Variants in EPB41 observed in about 807,000 individuals in gnomAD.
EPB41 encodes the protein erythrocyte membrane protein band 4.1.
EPB41 carries 65 observed loss-of-function variants against 108.0 expected under a neutral mutation model. The ratio of observed to expected loss-of-function variants is 0.60; its 90% CI spans 0.49 to 0.74. EPB41 has a LOEUF of 0.74. Among genes scored for constraint, EPB41 ranks in the 30% least tolerant of loss-of-function variants. The probability of loss-of-function intolerance (pLI) is 0.00; values close to 1 mark genes in which losing one functional copy is unlikely to be tolerated. For missense variants in EPB41, 875 were observed against 1,037.0 expected (o/e 0.84, Z 2.15); for synonymous variants, 336 against 358.9 (o/e 0.94, Z 0.72).
chr1:28,981,675 T>C (rs1409164287), intron 1 of EPB41, among the ~76,000 whole-genome samples: 1 of 152,210 alleles, frequency 6.6e-6, no homozygotes, highest in African/African-American at 2.4e-5. Context: ...GTATAAATTG[T>C]GTCAAGACTT....
At chr1:28,954,930 A>G (rs187423777) in intron 1 of EPB41, among the ~76,000 whole-genome samples, 9 of 152,338 alleles carry the variant, frequency 5.9e-5, no homozygotes, top group Admixed American at 1.3e-4. Context: ...TGATAAAGCT[A>G]TTATAAATCA....
At chr1:28,908,350 C>T (rs968197056) in intron 1 of EPB41, among the ~76,000 whole-genome samples, 23 of 149,176 alleles carry the variant, frequency 1.5e-4, no homozygotes, top group African/African-American at 4.4e-4. Flanking sequence ...CGCGGCAAGC[C>T]GAGATTGTGC....
At chr1:28,969,336 T>G (rs7512473) in intron 1 of EPB41, among the ~76,000 whole-genome samples, 5 of 151,972 alleles carry the variant, frequency 3.3e-5, no homozygotes, top group Non-Finnish European at 7.4e-5. Context: ...CCACCTGCCT[T>G]GGCCTCCCAA....
chr1:29,053,244 A>G lies in EPB41; in HGVS notation c.1777A>G (p.Lys593Glu), dbSNP rs771309394. ...VVPKAQKETV[K>E]AEVKKEDEPP... ...CCCTAAAGCACAGAAGGAAACAGTGAAGGCTGAAGTGAAAAAGGAAGACGA... is the reference window on the plus strand; with the variant it reads ...CCCTAAAGCACAGAAGGAAACAGTGGAGGCTGAAGTGAAAAAGGAAGACGA... The change falls in exon 12 of 21, where the codon AAG (lysine) becomes GAG (glutamate). Residue 593 changes from lysine to glutamate, a missense_variant. By Grantham distance (56) the Lys-to-Glu change is moderately conservative. This residue lies in a region of EPB41 where 519 missense variants were observed against 627.3 expected (regional missense o/e 0.83). Transcript: ENST00000343067. 1.2e-6 allele frequency: 2 copies of G among 1,614,222 alleles called. No individual in the cohort carries two copies. The highest frequency in any genetic ancestry group is 2.2e-5 in the South Asian group (2 of 91,082).
intron 17 of EPB41, among the ~76,000 whole-genome samples, chr1:29,105,743 C>CTTTT (rs63685960): frequency 7.8e-4 from 71 of 91,072 alleles, no homozygotes; most frequent in East Asian, 1.0e-3. Flanking sequence ...ATGTACAGAT[C>CTTTT]TTTTTTTTTT....
intron 1 of EPB41, among the ~76,000 whole-genome samples, chr1:28,968,679 T>C (rs564600214): frequency 6.6e-6 from 1 of 152,154 alleles, no homozygotes; most frequent in South Asian, 2.1e-4. Flanking sequence ...TAAAACTAAA[T>C]GAGGCCGGGC....
At chr1:29,096,442 G>A (rs1663248559) in intron 16 of EPB41, 7 of 985,892 alleles carry the variant, frequency 7.1e-6, no homozygotes, top group Non-Finnish European at 8.4e-6. Context: ...GTGCCTTAAA[G>A]TTCTCAGTAA....
intron 4 of EPB41, among the ~76,000 whole-genome samples, chr1:28,999,595 A>C (rs187396547): frequency 1.3e-5 from 2 of 152,178 alleles, no homozygotes; most frequent in East Asian, 3.9e-4. Flanking sequence ...TTTTTCTGTG[A>C]TCTAAGCATA....
At chr1:28,987,117 G>A (rs557509305) in intron 1 of EPB41, among the ~76,000 whole-genome samples, 1 of 152,062 alleles carries the variant, frequency 6.6e-6, no homozygotes, top group Non-Finnish European at 1.5e-5. Context: ...GGATAAAACT[G>A]TATTTACTGT....
intron 7 of EPB41, among the ~76,000 whole-genome samples, chr1:29,024,188 A>G (rs1333627311): frequency 6.6e-6 from 1 of 151,612 alleles, no homozygotes; most frequent in Non-Finnish European, 1.5e-5. Flanking sequence ...TACAAAAATT[A>G]GCTGGGCATG....
At position 28,887,229 on chromosome 1, in the gene EPB41, G is replaced by A; in HGVS notation, c.-8+19G>A. On this transcript the variant is annotated intron_variant, in intron 1 of 16. Coordinates refer to the EPB41 transcript ENST00000347529. The surrounding 1 kb of genome is among the most constrained non-coding windows in gnomAD (Gnocchi z 4.9). ...AGCCCAGGTGAGCCTGGACCACCTGGGGGGCGACCCTCGGTCCCCGGGAGG... is the reference window on the plus strand; with the variant it reads ...AGCCCAGGTGAGCCTGGACCACCTGAGGGGCGACCCTCGGTCCCCGGGAGG... The A allele has an allele frequency of 5.5e-6, 7 of 1,281,186 alleles. No homozygotes were observed. The highest frequency in any genetic ancestry group is 7.1e-6 in the Non-Finnish European group (7 of 985,062). 79.4% of individuals were successfully genotyped at this position (1,281,186 alleles called of 1,614,324 possible).
chr1:29,053,963 T>A (rs1644944443), intron 12 of EPB41: 1 of 152,460 alleles, frequency 6.6e-6, no homozygotes, highest in Admixed American at 6.5e-5. Flanking sequence ...CACATTGCTT[T>A]TTAAGACTAA....
chr1:29,046,460 C>T (rs538427843), intron 11 of EPB41, among the ~76,000 whole-genome samples: 1 of 152,258 alleles, frequency 6.6e-6, no homozygotes, highest in South Asian at 2.1e-4. Context: ...AATGGTTTAT[C>T]TGTGGATTAT....
At chr1:29,048,894 T>C (rs921984891) in intron 11 of EPB41, among the ~76,000 whole-genome samples, 4 of 152,198 alleles carry the variant, frequency 2.6e-5, no homozygotes, top group African/African-American at 9.6e-5. Context: ...GTATAAAAAG[T>C]GGAAATATGT....
chr1:28,950,295 G>A (rs2094663904), intron 1 of EPB41, among the ~76,000 whole-genome samples: 1 of 152,184 alleles, frequency 6.6e-6, no homozygotes, highest in South Asian at 2.1e-4. Context: ...GAGATGTTAT[G>A]TATCCAAGAA....
At chr1:28,957,495 C>T (rs763154896) in intron 1 of EPB41, among the ~76,000 whole-genome samples, 3 of 152,178 alleles carry the variant, frequency 2.0e-5, no homozygotes, top group Admixed American at 6.5e-5. Flanking sequence ...ACCTCCGCCT[C>T]CTGGGTTGAA....
intron 4 of EPB41, among the ~76,000 whole-genome samples, chr1:29,003,874 C>T (rs1289122601): frequency 2.6e-5 from 4 of 152,148 alleles, no homozygotes; most frequent in Admixed American, 1.3e-4. Context: ...GCGATTCTCA[C>T]GCCTCAGCCT....
chr1:29,091,004 G>A (rs572912173), intron 16 of EPB41, among the ~76,000 whole-genome samples: 13 of 152,082 alleles, frequency 8.5e-5, no homozygotes, highest in African/African-American at 1.2e-4. Context: ...TACATGTTAG[G>A]TGCTCAGTAA....
chr1:29,051,713 A>G (rs1644545231), intron 11 of EPB41, among the ~76,000 whole-genome samples: 2 of 152,104 alleles, frequency 1.3e-5, no homozygotes, highest in African/African-American at 4.8e-5. Flanking sequence ...CCTGGCCAAC[A>G]TGGTGAAACC....
Sources: allele counts gnomAD v4.1 joint callset (sites outside exome capture counted in the v4.1 genomes callset), GRCh38; gene constraint gnomAD v4.1.1; regional missense constraint gnomAD v4.1.1; non-coding constraint Gnocchi (gnomAD v3.1); transcripts MANE v1.5; gene names NCBI Gene and HGNC (gene_info 2026-07-23, HGNC 2026-07-21).